Variants in COL25A1 observed in about 807,000 individuals in gnomAD.
COL25A1 encodes the protein collagen alpha-1(XXV) chain.
COL25A1 carries 103 observed loss-of-function variants against 128.4 expected under a neutral mutation model. The observed-to-expected ratio is 0.80, with a 90% CI of 0.68 to 0.94. The LOEUF is 0.94. COL25A1 is among the 40% of genes least tolerant of loss of function. The pLI is 0.00. For synonymous variants in COL25A1, 279 were observed against 277.2 expected, an observed-to-expected ratio of 1.01 and a Z score of -0.06; for missense variants, 745 against 840.0, an observed-to-expected ratio of 0.89 and a Z score of 1.40.
At chr4:109,071,445 A>C (rs1762967308) in intron 3 of COL25A1, among the ~76,000 whole-genome samples, 1 of 152,160 alleles carries the variant, frequency 6.6e-6, no homozygotes, top group Non-Finnish European at 1.5e-5. Context: ...AAATTGACAA[A>C]TGGGATCTAA....
chr4:109,042,303 T>C (rs1759982650), intron 5 of COL25A1, among the ~76,000 whole-genome samples: 1 of 152,144 alleles, frequency 6.6e-6, no homozygotes, highest in African/African-American at 2.4e-5. Context: ...CTATTCTATG[T>C]ACACATTCAT....
chr4:109,104,068 A>G (rs981465776), intron 3 of COL25A1, among the ~76,000 whole-genome samples: 15 of 152,194 alleles, frequency 9.9e-5, no homozygotes, highest in African/African-American at 3.6e-4. Context: ...AAGGAATACT[A>G]GAATTAGAAA....
intron 6 of COL25A1, among the ~76,000 whole-genome samples, chr4:108,998,965 TAA>T (rs1427166824): frequency 6.6e-6 from 1 of 152,054 alleles, no homozygotes; most frequent in African/African-American, 2.4e-5. Context: ...AAAATTAACT[TAA>T]GATGGATAAA....
intron 3 of COL25A1, among the ~76,000 whole-genome samples, chr4:109,116,173 C>T (rs1283926078): frequency 6.6e-6 from 1 of 152,020 alleles, no homozygotes; most frequent in Non-Finnish European, 1.5e-5. Context: ...GGCCCCCACA[C>T]TTTTGTGAGT....
At chr4:108,868,563 G>GAA (rs397945202) in intron 20 of COL25A1, among the ~76,000 whole-genome samples, 2,494 of 17,296 alleles carry the variant, frequency 0.14, 71 homozygotes, top group African/African-American at 0.27. Flanking sequence ...AAGAAAGAAA[G>GAA]AGAAAGAGAG....
intron 31 of COL25A1, among the ~76,000 whole-genome samples, chr4:108,836,332 T>A (rs2125739752): frequency 6.6e-6 from 1 of 152,248 alleles, no homozygotes; most frequent in Admixed American, 6.5e-5. Flanking sequence ...AGATTGAAAG[T>A]TTAAATAAAA....
chr4:109,114,059 A>G (rs776273832), intron 3 of COL25A1, among the ~76,000 whole-genome samples: 1 of 152,060 alleles, frequency 6.6e-6, no homozygotes, highest in Non-Finnish European at 1.5e-5. Flanking sequence ...AATAAAAACA[A>G]CCACAATGAT....
At chr4:109,077,202 A>C (rs1158737250) in intron 3 of COL25A1, among the ~76,000 whole-genome samples, 1 of 152,216 alleles carries the variant, frequency 6.6e-6, no homozygotes, top group Non-Finnish European at 1.5e-5. Flanking sequence ...GGACGCATTA[A>C]AGTCATACAA....
intron 3 of COL25A1, among the ~76,000 whole-genome samples, chr4:109,099,127 C>A (rs1172626373): frequency 6.6e-6 from 1 of 152,154 alleles, no homozygotes; most frequent in Admixed American, 6.5e-5. Context: ...TAATAAGATG[C>A]TTTCCTTTAA....
intron 19 of COL25A1, among the ~76,000 whole-genome samples, chr4:108,879,793 ATTTATTTATTTATT>A (rs980699788): frequency 2.0e-5 from 3 of 149,854 alleles, no homozygotes; most frequent in Admixed American, 1.3e-4. Context: ...GAAAATCTAT[ATTTATTTATTTATT>A]TTTATTTATT....
intron 19 of COL25A1, among the ~76,000 whole-genome samples, chr4:108,872,952 G>A (rs1329038474): frequency 1.3e-5 from 2 of 151,768 alleles, no homozygotes; most frequent in Admixed American, 1.3e-4. Flanking sequence ...AAGTTCAGTG[G>A]TATGATCATG....
At chr4:109,180,352 T>C (rs1028752902) in intron 3 of COL25A1, among the ~76,000 whole-genome samples, 15 of 152,328 alleles carry the variant, frequency 9.8e-5, no homozygotes, top group Non-Finnish European at 2.2e-4. Flanking sequence ...TCTCTATCTC[T>C]GACAACTAGT....
intron 3 of COL25A1, among the ~76,000 whole-genome samples, chr4:109,158,299 C>T (rs1189777922): frequency 6.6e-6 from 1 of 151,398 alleles, no homozygotes; most frequent in Non-Finnish European, 1.5e-5. Flanking sequence ...CCTGTGAATG[C>T]CAATGTTTTA....
chr4:109,077,253 A>G (rs1357204847), intron 3 of COL25A1, among the ~76,000 whole-genome samples: 1 of 152,242 alleles, frequency 6.6e-6, no homozygotes, highest in East Asian at 1.9e-4. Context: ...GAATGGAAAC[A>G]GTAGAAAATG....
intron 3 of COL25A1, among the ~76,000 whole-genome samples, chr4:109,181,612 T>C (rs1560823724): frequency 2.0e-5 from 3 of 152,140 alleles, no homozygotes; most frequent in African/African-American, 4.8e-5. Context: ...TGTTTTGATG[T>C]ACAAATGATG....
intron 3 of COL25A1, among the ~76,000 whole-genome samples, chr4:109,293,218 T>A (rs555085964): frequency 2.2e-4 from 34 of 152,162 alleles, no homozygotes; most frequent in African/African-American, 7.5e-4. Flanking sequence ...AATACAAAGC[T>A]ATAACAGAGA....
At chr4:109,087,771 A>G (rs1764542619) in intron 3 of COL25A1, among the ~76,000 whole-genome samples, 1 of 152,154 alleles carries the variant, frequency 6.6e-6, no homozygotes, top group South Asian at 2.1e-4. Context: ...TGCTTTTTGC[A>G]TACAAAATCT....
chr4:109,179,206 A>G (rs1774395557), intron 3 of COL25A1, among the ~76,000 whole-genome samples: 1 of 152,114 alleles, frequency 6.6e-6, no homozygotes, highest in Non-Finnish European at 1.5e-5. Context: ...TTAAATCAAC[A>G]TCTCTGAGAT....
intron 13 of COL25A1, among the ~76,000 whole-genome samples, chr4:108,902,093 G>A (rs1742912038): frequency 6.6e-6 from 1 of 151,950 alleles, no homozygotes; most frequent in African/African-American, 2.4e-5. Flanking sequence ...TTAAAAAATA[G>A]ACTTTATTGT....
Sources: gnomAD v4.1 joint callset for allele counts (sites outside exome capture counted in the v4.1 genomes callset) on GRCh38, gnomAD v4.1.1 for gene constraint, MANE v1.5 for transcripts, NCBI Gene and HGNC (gene_info 2026-07-23, HGNC 2026-07-21) for gene names.